The following COBLL1 variants were observed in gnomAD, a reference collection of about 807,000 sequenced individuals.
The protein encoded by COBLL1 is cordon-bleu WH2 repeat protein like 1, also known as cordon-bleu protein-like 1.
A neutral mutation model predicts 94.8 loss-of-function variants in COBLL1; 50 were observed. That is an observed-to-expected ratio of 0.53 (90% CI 0.42 to 0.67). The LOEUF (loss-of-function observed/expected upper bound fraction) is 0.67. COBLL1 is among the 30% of genes least tolerant of loss of function. The probability of loss-of-function intolerance (pLI) is 0.00; values close to 1 mark genes in which losing one functional copy is unlikely to be tolerated. For missense variants in COBLL1, 1,362 were observed against 1,348.7 expected, an observed-to-expected ratio of 1.01 and a Z score of -0.15; for synonymous variants, 448 against 473.8, an observed-to-expected ratio of 0.95 and a Z score of 0.71.
In COBLL1 at chr2:164,694,674, C is replaced by T. The variant is rs76695941; in HGVS notation, c.2718G>A (p.Arg906=). The T allele has an allele frequency of 0.037, 59,326 of 1,613,616 alleles. 1,377 individuals are homozygous for T. The highest frequency in any genetic ancestry group is 0.044 in the Non-Finnish European group (52,045 of 1,179,842). The change falls in exon 12 of 14, where the codon AGG becomes AGA. Residue 906 remains arginine, a synonymous_variant. Transcript: ENST00000652658. ...PKELTNKEAE[R]DMLPSPEQTL... is the part of the protein sequence containing the mutation. The stretch of plus-strand genomic sequence containing the variant: ...TCTGCTCCGGAGAAGGCAGCATATC[C>T]CTTTCTGCCTCTTTATTTGTCAGTT...
In COBLL1 at chr2:164,699,443, A is replaced by G. The variant is rs750939544; in HGVS notation, c.1517T>C (p.Ile506Thr). The part of the protein sequence containing the change: ...TSNGKKVVDS[I>T]RNLKSLGPNQ... ...TGGGCCCAACGACTTCAAGTTTCTT[A>G]TACTGTCAACTACCTTCTTTCCATT... The change falls in exon 11 of 14, where the codon ATA (isoleucine) becomes ACA (threonine). Residue 506 changes from isoleucine (I) to threonine (T), a missense_variant. By Grantham distance (89) the Ile-to-Thr change is moderately conservative. Coordinates refer to ENST00000652658, the MANE Select transcript of COBLL1 (RefSeq NM_001365672.2). The G allele has an allele frequency of 3.7e-6, 6 of 1,612,584 alleles. No homozygotes were observed. The South Asian group carries it at 6.6e-5, about 18-fold the overall frequency.
chr2:164,757,235 C>A (rs1687454941), intron 2 of COBLL1, among the ~76,000 whole-genome samples: 1 of 152,126 alleles, frequency 6.6e-6, no homozygotes. Context: ...AACTCTAATA[C>A]ACACATAAAG....
At chr2:164,826,585 G>A (rs1685437358) in intron 2 of COBLL1, among the ~76,000 whole-genome samples, 1 of 152,236 alleles carries the variant, frequency 6.6e-6, no homozygotes, top group African/African-American at 2.4e-5. Context: ...CTGTGGGTTA[G>A]AGAGGGGAAA....
intron 2 of COBLL1, among the ~76,000 whole-genome samples, chr2:164,818,324 GTA>G (rs1362614489): frequency 6.8e-6 from 1 of 147,798 alleles, no homozygotes; most frequent in Middle Eastern, 3.4e-3. Flanking sequence ...ACGTGTGTAT[GTA>G]TACATATATG....
rs1683587364 is a variant in COBLL1 at position 164,798,464 on chromosome 2, C to G, written c.41+42692G>C. On this transcript the variant is annotated intron_variant, in intron 2 of 13. Coordinates refer to ENST00000652658, the MANE Select transcript of COBLL1 (RefSeq NM_001365672.2). ...AGAGATTACTCTGACGTTACATACTCAATTACAACTATTCAAGCCAAAAAA... is the reference window on the plus strand; with the variant it reads ...AGAGATTACTCTGACGTTACATACTGAATTACAACTATTCAAGCCAAAAAA... Among the ~76,000 whole-genome samples the G allele has an allele frequency of 2.0e-5, 3 of 152,140 alleles. No individual in the cohort carries two copies. In the South Asian group the frequency reaches 6.2e-4, roughly 31 times the overall value.
At chr2:164,665,345 AG>A (rs753819275) in intron 2 of COBLL1, among the ~76,000 whole-genome samples, 11,962 of 142,878 alleles carry the variant, frequency 0.084, 671 homozygotes, top group Non-Finnish European at 0.12. Flanking sequence ...AAAAAAAGAA[AG>A]AAAGAAAGAA....
At chr2:164,744,980 TAA>T (rs1220194466) in intron 2 of COBLL1, among the ~76,000 whole-genome samples, 3 of 152,180 alleles carry the variant, frequency 2.0e-5, no homozygotes. Flanking sequence ...CACTGTGAAT[TAA>T]AGTTTTTGAA....
chr2:164,766,960 T>C (rs914530340), intron 2 of COBLL1, among the ~76,000 whole-genome samples: 1 of 152,210 alleles, frequency 6.6e-6, no homozygotes, highest in African/African-American at 2.4e-5. Flanking sequence ...TACTTTTCCA[T>C]TGAGCCATTC....
chr2:164,735,317 G>A (rs1043342590), intron 3 of COBLL1, among the ~76,000 whole-genome samples: 7 of 152,302 alleles, frequency 4.6e-5, no homozygotes, highest in Middle Eastern at 3.4e-3. Flanking sequence ...AAGTAACATG[G>A]TGAAAGCTCT....
chr2:164,803,567 AAATAAAT>A (rs1683930764), intron 2 of COBLL1, among the ~76,000 whole-genome samples: 1 of 133,748 alleles, frequency 7.5e-6, no homozygotes, highest in Non-Finnish European at 1.6e-5. Context: ...TCTGTCTCAA[AAATAAAT>A]AAATAAATAA....
In COBLL1 at chr2:164,818,769, C is replaced by CATATATATATATATAT. The variant is rs752386836; in HGVS notation, c.41+22386_41+22387insATATATATATATATAT. Among the ~76,000 whole-genome samples the CATATATATATATATAT allele has an allele frequency of 4.1e-3, 567 of 139,370 alleles. 3 individuals carry two copies. Among genetic ancestry groups the CATATATATATATATAT allele is most frequent in the African/African-American group, 0.014 (507 of 37,272 alleles). The allele number at this position is 139,370 out of a possible 152,430, so 91.4% of individuals were successfully genotyped here. ...TAGTATATATATGTACTTATGTAAA[C>CATATATATATATATAT]ATATATATATATACATATAATTTTT... On this transcript the variant is annotated intron_variant, in intron 2 of 13. Transcript: ENST00000652658.
Position 164,694,999 on chromosome 2 carries a change from G to A in COBLL1, c.2393C>T (p.Pro798Leu), listed in dbSNP as rs201615668. Residue 798 changes from proline (P) to leucine (L), a missense_variant, in exon 12 of 14, where the codon CCG becomes CTG. Pro to Leu is a moderately conservative substitution (Grantham distance 98). Transcript: ENST00000652658. ...SPEEPLPNLKPKPNLRTEHQV... is the reference protein window; with the variant it reads ...SPEEPLPNLKLKPNLRTEHQV... ...ATGCTCTGTTCTCAGGTTAGGCTTC[G>A]GTTTAAGGTTTGGCAGTGGCTCTTC... 1.5e-3 allele frequency: 2,361 copies of A among 1,613,926 alleles called. 53 individuals are homozygous for A. In the South Asian group the frequency reaches 0.024, roughly 17 times the overall value.
chr2:164,664,950 C>T (rs898976563), intron 2 of COBLL1, among the ~76,000 whole-genome samples: 3 of 151,826 alleles, frequency 2.0e-5, no homozygotes, highest in African/African-American at 7.3e-5. Context: ...AAAAAATACA[C>T]AAAACAGGGT....
intron 2 of COBLL1, among the ~76,000 whole-genome samples, chr2:164,744,433 A>T (rs1276766853): frequency 6.6e-6 from 1 of 152,134 alleles, no homozygotes; most frequent in African/African-American, 2.4e-5. Flanking sequence ...TTGATATAGC[A>T]CATACCAATT....
intron 2 of COBLL1, among the ~76,000 whole-genome samples, chr2:164,664,681 G>T (rs1691126237): frequency 6.6e-6 from 1 of 152,100 alleles, no homozygotes; most frequent in African/African-American, 2.4e-5. Context: ...AGGAAGAACG[G>T]TTAATTTCTT....
Position 164,694,670 on chromosome 2 carries a change from T to C in COBLL1, c.2722A>G (p.Met908Val), listed in dbSNP as rs1167730555. Reference sequence around the variant, plus strand: ...AGAGTCTGCTCCGGAGAAGGCAGCATATCCCTTTCTGCCTCTTTATTTGTC... The same window carrying C: ...AGAGTCTGCTCCGGAGAAGGCAGCACATCCCTTTCTGCCTCTTTATTTGTC... ...ELTNKEAERD[M>V]LPSPEQTLSP... Residue 908 changes from methionine to valine, a missense_variant, in exon 12 of 14, where the codon ATG (methionine) becomes GTG (valine). Transcript: ENST00000652658. 6.2e-7 allele frequency: 1 copy of C among 1,613,662 alleles called. No homozygotes were observed. Among genetic ancestry groups the C allele is most frequent in the African/African-American group, 1.3e-5 (1 of 74,878 alleles).
At chr2:164,741,550 G>C (rs1303447211) in intron 3 of COBLL1, among the ~76,000 whole-genome samples, 1 of 150,754 alleles carries the variant, frequency 6.6e-6, no homozygotes, top group Non-Finnish European at 1.5e-5. Flanking sequence ...AAGAGAGAAA[G>C]CCAATAGGCG....
chr2:164,818,191 C>T (rs557766388), intron 2 of COBLL1, among the ~76,000 whole-genome samples: 29 of 138,660 alleles, frequency 2.1e-4, no homozygotes, highest in Admixed American at 1.4e-3. Flanking sequence ...CGTATATATA[C>T]GTATGTATAC....
intron 4 of COBLL1, among the ~76,000 whole-genome samples, chr2:164,729,390 T>C (rs928589825): frequency 2.6e-5 from 4 of 151,862 alleles, no homozygotes; most frequent in African/African-American, 9.7e-5. Flanking sequence ...ATTAGAATTA[T>C]TGTGGTTAAA....
Sources: gnomAD v4.1 joint callset for allele counts (sites outside exome capture counted in the v4.1 genomes callset) on GRCh38, gnomAD v4.1.1 for gene constraint, MANE v1.5 for transcripts, NCBI Gene and HGNC (gene_info 2026-07-23, HGNC 2026-07-21) for gene names.